The following CEMIP variants were observed in gnomAD, a reference collection of about 807,000 sequenced individuals.
CEMIP encodes the protein cell migration-inducing and hyaluronan-binding protein.
CEMIP carries 105 observed loss-of-function variants against 156.9 expected under a neutral mutation model. That is an observed-to-expected ratio of 0.67 (90% CI 0.57 to 0.79). CEMIP has a LOEUF of 0.79. CEMIP is among the 30% of genes least tolerant of loss of function. CEMIP has a pLI of 0.00. For synonymous variants in CEMIP, 676 were observed against 668.4 expected (o/e 1.01, Z -0.17); for missense variants, 1,457 against 1,769.4 (o/e 0.82, Z 3.17).
At chr15:80,841,178 C>G (rs1379289813) in intron 1 of CEMIP, among the ~76,000 whole-genome samples, 2 of 152,198 alleles carry the variant, frequency 1.3e-5, no homozygotes, top group South Asian at 2.1e-4. Flanking sequence ...TCCAGCAAAG[C>G]TGGAAATCCA....
At chr15:80,860,774 C>T (rs565172719) in intron 1 of CEMIP, among the ~76,000 whole-genome samples, 92 of 152,260 alleles carry the variant, frequency 6.0e-4, no homozygotes, top group Middle Eastern at 3.4e-3. Context: ...TCACCCTCAA[C>T]TTACCCTACC....
At chr15:80,869,407 A>G (rs147552667) in intron 1 of CEMIP, among the ~76,000 whole-genome samples, 258 of 152,342 alleles carry the variant, frequency 1.7e-3, no homozygotes, top group African/African-American at 6.0e-3. Context: ...GGTGTGGTTG[A>G]TTCCAAAGCC....
chr15:80,817,522 G>T (rs57996600), intron 1 of CEMIP, among the ~76,000 whole-genome samples: 48,003 of 151,254 alleles, frequency 0.32, 7,638 homozygotes, highest in South Asian at 0.39. Context: ...GATCACTTGA[G>T]TCCGGGAGGT....
Position 80,816,904 on chromosome 15 carries a change from G to A in CEMIP, c.-176+37290G>A, listed in dbSNP as rs150656257. On this transcript the variant is annotated intron_variant, in intron 1 of 29. Transcript: ENST00000394685. The stretch of plus-strand genomic sequence containing the variant: ...AGTAACTGCAAACAAAGCGGCAGAC[G>A]GGGTTCTCGCTCCTCAGGCTTCAGC... Among the ~76,000 whole-genome samples the A allele has an allele frequency of 2.7e-3, 418 of 152,166 alleles. 1 individual carries two copies. The highest frequency in any genetic ancestry group is 4.3e-3 in the Non-Finnish European group (292 of 68,004).
At chr15:80,899,256 C>T (rs543711742) in intron 12 of CEMIP, among the ~76,000 whole-genome samples, 2 of 150,344 alleles carry the variant, frequency 1.3e-5, no homozygotes, top group East Asian at 1.9e-4. Flanking sequence ...AAAACACATA[C>T]AATGTGCCAG....
chr15:80,911,095 G>A (rs1005342501), intron 14 of CEMIP, among the ~76,000 whole-genome samples: 10 of 152,296 alleles, frequency 6.6e-5, no homozygotes, highest in African/African-American at 2.4e-4. Context: ...AAACGGAGAG[G>A]ATGGCACTGC....
chr15:80,817,526 G>A (rs1041538233), intron 1 of CEMIP, among the ~76,000 whole-genome samples: 2 of 151,544 alleles, frequency 1.3e-5, no homozygotes, highest in Non-Finnish European at 2.9e-5. Context: ...ACTTGAGTCC[G>A]GGAGGTAGAG....
At chr15:80,941,056 A>G (rs1047408042) in intron 25 of CEMIP, among the ~76,000 whole-genome samples, 6 of 152,180 alleles carry the variant, frequency 3.9e-5, no homozygotes, top group Admixed American at 6.5e-5. Flanking sequence ...TGTGAGTCCA[A>G]TGTGTGCCCC....
At chr15:80,827,716 A>G (rs1476785558) in intron 1 of CEMIP, among the ~76,000 whole-genome samples, 1 of 152,242 alleles carries the variant, frequency 6.6e-6, no homozygotes, top group Non-Finnish European at 1.5e-5. Flanking sequence ...GCTACTGAGA[A>G]TTAGGAAAGG....
intron 1 of CEMIP, among the ~76,000 whole-genome samples, chr15:80,857,416 A>G (rs566427608): frequency 6.6e-6 from 1 of 152,298 alleles, no homozygotes; most frequent in African/African-American, 2.4e-5. Context: ...AGGAAATTTC[A>G]TGGCATCCTC....
intron 9 of CEMIP, among the ~76,000 whole-genome samples, chr15:80,889,053 G>A (rs1898946440): frequency 6.6e-6 from 1 of 152,166 alleles, no homozygotes; most frequent in African/African-American, 2.4e-5. Context: ...CTTAGTTCAC[G>A]GAATATCTTT....
chr15:80,863,751 G>A (rs534177192), intron 1 of CEMIP, among the ~76,000 whole-genome samples: 7 of 152,286 alleles, frequency 4.6e-5, no homozygotes, highest in African/African-American at 1.7e-4. Context: ...AAGTTCGTGG[G>A]ACTAAGAATA....
chr15:80,840,283 G>A lies in CEMIP; in HGVS notation c.-175-33255G>A, dbSNP rs147585575. On this transcript the variant is annotated intron_variant, in intron 1 of 29. Transcript: ENST00000394685. ...GAGCAGAGATGACCCATCCACTCGC[G>A]TTCCACTCACGGGGCATGGAGGGTG... Among the ~76,000 whole-genome samples, 105 of 152,260 alleles carry A rather than the reference G, an allele frequency of 6.9e-4. 1 individual carries two copies. In the Middle Eastern group the frequency reaches 0.01, roughly 15 times the overall value.
intron 1 of CEMIP, among the ~76,000 whole-genome samples, chr15:80,830,723 A>G (rs183693451): frequency 8.9e-4 from 135 of 152,068 alleles, no homozygotes; most frequent in Non-Finnish European, 1.5e-3. Flanking sequence ...TTTTTAAGCT[A>G]TGTTTTTAGC....
At position 80,941,834 on chromosome 15, in the gene CEMIP, G is replaced by A. The variant is rs775818037; in HGVS notation, c.3408-15G>A. 1.2e-6 allele frequency: 2 copies of A among 1,611,592 alleles called. No homozygotes were observed. The highest frequency in any genetic ancestry group is 2.2e-5 in the East Asian group (1 of 44,864). On this transcript the variant is annotated splice_polypyrimidine_tract_variant and intron_variant, in intron 25 of 29. Coordinates refer to ENST00000394685, the MANE Select transcript of CEMIP (RefSeq NM_001293298.2). The stretch of plus-strand genomic sequence containing the variant: ...AGTGTCCAAGCAAATGCCCAGCAAT[G>A]CTCCTTGTGTGCAGGCTGTTGTTCC...
intron 7 of CEMIP, among the ~76,000 whole-genome samples, chr15:80,887,310 C>G (rs1211277836): frequency 1.3e-5 from 2 of 152,198 alleles, no homozygotes; most frequent in Non-Finnish European, 2.9e-5. Context: ...AATAACCTTT[C>G]TCTCTTGGAA....
Position 80,922,058 on chromosome 15 carries a change from T to C in CEMIP, c.2123T>C (p.Val708Ala). ...IFHHVPTGPSVGMYSPGYSEH... is the reference protein window; with the variant it reads ...IFHHVPTGPSAGMYSPGYSEH... ...CACCACGTACCAACGGGCCCCTCCG[T>C]GGGAATGTACTCCCCAGGTTATTCA... Residue 708 changes from valine (V) to alanine (A), a missense_variant, in exon 17 of 30, where the codon GTG becomes GCG. By Grantham distance (64) the Val-to-Ala change is moderately conservative. Coordinates refer to ENST00000394685, the MANE Select transcript of CEMIP (RefSeq NM_001293298.2). The C allele has an allele frequency of 6.2e-7, 1 of 1,614,226 alleles. No homozygotes were observed. Among genetic ancestry groups the C allele is most frequent in the Non-Finnish European group, 8.5e-7 (1 of 1,180,026 alleles).
intron 1 of CEMIP, among the ~76,000 whole-genome samples, chr15:80,849,516 C>T (rs774898017): frequency 2.1e-4 from 32 of 152,178 alleles, no homozygotes; most frequent in Non-Finnish European, 2.2e-4. Flanking sequence ...CACTTCACGC[C>T]GTGGGATCGG....
chr15:80,900,648 G>GTAT (rs1567090991), intron 12 of CEMIP, among the ~76,000 whole-genome samples: 36 of 111,912 alleles, frequency 3.2e-4, no homozygotes, highest in African/African-American at 1.1e-3. Context: ...GTGTGTGTGT[G>GTAT]TCTGTGTGTG....
Sources: gnomAD v4.1 joint callset for allele counts (sites outside exome capture counted in the v4.1 genomes callset) on GRCh38, gnomAD v4.1.1 for gene constraint, MANE v1.5 for transcripts, NCBI Gene and HGNC (gene_info 2026-07-23, HGNC 2026-07-21) for gene names.